KANSL1L: variants seen among roughly 807,000 people sequenced by gnomAD.
KANSL1L encodes the protein KAT8 regulatory NSL complex subunit 1-like protein.
In KANSL1L, 25 loss-of-function variants were observed where a neutral mutation model predicts 108.6. That is an observed-to-expected ratio of 0.23 (90% CI 0.17 to 0.32). The LOEUF (loss-of-function observed/expected upper bound fraction) is 0.32. KANSL1L is among the 10% of genes least tolerant of loss of function. KANSL1L has a pLI of 1.00. For synonymous variants in KANSL1L, 405 were observed against 395.1 expected (o/e 1.03, Z -0.30); for missense variants, 1,137 against 1,125.7 (o/e 1.01, Z -0.14).
At chr2:210,025,509 C>T (rs772560269) in intron 12 of KANSL1L, among the ~76,000 whole-genome samples, 5 of 152,096 alleles carry the variant, frequency 3.3e-5, no homozygotes, top group South Asian at 2.1e-4. Flanking sequence ...GAGCCAAGAT[C>T]GTGCCACTGC....
intron 5 of KANSL1L, among the ~76,000 whole-genome samples, chr2:210,082,193 A>G (rs1300395578): frequency 2.6e-5 from 4 of 152,196 alleles, no homozygotes; most frequent in Non-Finnish European, 5.9e-5. Flanking sequence ...CAGCCTCCCA[A>G]AGTGCATATT....
chr2:210,125,843 A>G (rs2095061077), intron 3 of KANSL1L, among the ~76,000 whole-genome samples: 1 of 152,222 alleles, frequency 6.6e-6, no homozygotes. Context: ...ACATAATAAA[A>G]GCCACATATG....
intron 6 of KANSL1L, among the ~76,000 whole-genome samples, chr2:210,056,914 C>T (rs558264196): frequency 9.8e-5 from 15 of 152,308 alleles, no homozygotes; most frequent in East Asian, 3.9e-4. Context: ...CCAAAGCAGA[C>T]GCCAAGGCAA....
intron 3 of KANSL1L, among the ~76,000 whole-genome samples, chr2:210,105,162 T>C (rs1004493210): frequency 6.6e-6 from 1 of 151,872 alleles, no homozygotes; most frequent in Non-Finnish European, 1.5e-5. Flanking sequence ...GGCATGATCT[T>C]AATGGTTTCA....
intron 5 of KANSL1L, among the ~76,000 whole-genome samples, chr2:210,079,284 T>C (rs891685313): frequency 5.9e-5 from 9 of 151,996 alleles, no homozygotes; most frequent in African/African-American, 1.9e-4. Flanking sequence ...TCAAATATTG[T>C]TGTAGAATAA....
chr2:210,133,415 T>C (rs1489347512), intron 2 of KANSL1L, among the ~76,000 whole-genome samples: 1 of 152,078 alleles, frequency 6.6e-6, no homozygotes, highest in Non-Finnish European at 1.5e-5. Context: ...AGAGAATGGT[T>C]TGTATCCCCC....
intron 13 of KANSL1L, 36 bp downstream of exon 13, chr2:210,025,064 CATGG>C: frequency 7.8e-7 from 1 of 1,279,796 alleles, no homozygotes. Flanking sequence ...GTTCATTTCA[CATGG>C]ATTCTATGGC....
chr2:210,027,172 T>C, intron 12 of KANSL1L, 124 bp downstream of exon 12: 1 of 613,678 alleles, frequency 1.6e-6, no homozygotes, highest in Non-Finnish European at 2.9e-6. Flanking sequence ...TTTTCATAAG[T>C]GAAAAGAAAA....
At chr2:210,029,566 T>G (rs541149628) in intron 10 of KANSL1L, among the ~76,000 whole-genome samples, 2 of 152,234 alleles carry the variant, frequency 1.3e-5, no homozygotes, top group East Asian at 3.9e-4. Context: ...ATCATGATAA[T>G]GTTTAAATTT....
rs77332527 is a variant in KANSL1L at position 210,115,516 on chromosome 2, T to C, written c.1231-11215A>G. ...AGCAAAAATTCTTGAGTTTGTAGGA[T>C]AGCAGATAATTAAAGACATAACCCA... On this transcript the variant is annotated intron_variant, in intron 3 of 14. Coordinates refer to ENST00000281772, the MANE Select transcript of KANSL1L (RefSeq NM_152519.4). Among the ~76,000 whole-genome samples, 140 of 152,290 alleles carry C rather than the reference T, an allele frequency of 9.2e-4. 3 individuals carry two copies. The East Asian group carries it at 0.021, about 23-fold the overall frequency.
intron 1 of KANSL1L, among the ~76,000 whole-genome samples, chr2:210,159,949 T>C (rs1289316439): frequency 1.3e-5 from 2 of 152,082 alleles, no homozygotes; most frequent in Admixed American, 1.3e-4. Context: ...GGCAGGAGAA[T>C]GGTGTGAACC....
chr2:210,155,578 C>T (rs1256287278), intron 1 of KANSL1L, among the ~76,000 whole-genome samples: 2 of 152,166 alleles, frequency 1.3e-5, no homozygotes, highest in East Asian at 3.8e-4. Context: ...TGCATTTACT[C>T]CTGCCTAGAA....
chr2:210,144,887 C>A (rs1256739885), intron 2 of KANSL1L, among the ~76,000 whole-genome samples: 1 of 152,136 alleles, frequency 6.6e-6, no homozygotes, highest in Admixed American at 6.5e-5. Context: ...TGGCTTTTCA[C>A]GTTGCTTGTT....
chr2:210,040,266 T>G (rs2094149901), intron 8 of KANSL1L, 154 bp downstream of exon 8: 4 of 558,938 alleles, frequency 7.2e-6, no homozygotes, highest in African/African-American at 5.9e-5. Flanking sequence ...TGTTCTTGTA[T>G]TTTATGTGTA....
chr2:210,042,998 A>G (rs1489391948), intron 7 of KANSL1L, among the ~76,000 whole-genome samples: 2 of 152,210 alleles, frequency 1.3e-5, no homozygotes, highest in African/African-American at 4.8e-5. Context: ...CCCCCAGTAA[A>G]GAAGAACCGG....
chr2:210,150,619 CT>C (rs2095296077), intron 2 of KANSL1L, among the ~76,000 whole-genome samples: 1 of 151,686 alleles, frequency 6.6e-6, no homozygotes, highest in African/African-American at 2.4e-5. Context: ...CCTATCTCTA[CT>C]AAAAATACAA....
At chr2:210,132,177 C>T (rs562715246) in intron 2 of KANSL1L, among the ~76,000 whole-genome samples, 118 of 152,226 alleles carry the variant, frequency 7.8e-4, no homozygotes, top group African/African-American at 2.7e-3. Flanking sequence ...CTAACTTGCT[C>T]AAACAAGATC....
intron 1 of KANSL1L, among the ~76,000 whole-genome samples, chr2:210,160,350 GA>G (rs996319980): frequency 2.7e-5 from 4 of 145,600 alleles, no homozygotes; most frequent in South Asian, 2.2e-4. Flanking sequence ...TGTAGAGCAA[GA>G]AAAAAAAAAG....
intron 2 of KANSL1L, among the ~76,000 whole-genome samples, chr2:210,146,445 T>C (rs538111895): frequency 2.6e-5 from 4 of 152,358 alleles, no homozygotes; most frequent in African/African-American, 4.8e-5. Flanking sequence ...TTTCCGATGA[T>C]AAATACAATT....
Sources: gnomAD v4.1 joint callset for allele counts (sites outside exome capture counted in the v4.1 genomes callset) on GRCh38, gnomAD v4.1.1 for gene constraint, MANE v1.5 for transcripts, NCBI Gene and HGNC (gene_info 2026-07-23, HGNC 2026-07-21) for gene names.